The following CDH1 variants were observed in gnomAD, a reference collection of about 807,000 sequenced individuals.
The protein encoded by CDH1 is cadherin 1.
CDH1 carries 35 observed loss-of-function variants against 84.5 expected under a neutral mutation model. The ratio of observed to expected loss-of-function variants is 0.41; its 90% CI spans 0.32 to 0.55. The LOEUF (loss-of-function observed/expected upper bound fraction) is 0.55. Ranked by LOEUF, CDH1 falls within the 20% of genes least tolerant of loss-of-function variation. The pLI is 0.19. For synonymous variants in CDH1, 417 were observed against 439.0 expected (o/e 0.95, Z 0.63); for missense variants, 994 against 1,126.6 (o/e 0.88, Z 1.68).
chr16:68,781,069 G>A (rs573226529), intron 2 of CDH1, among the ~76,000 whole-genome samples: 4 of 152,312 alleles, frequency 2.6e-5, no homozygotes, highest in South Asian at 2.1e-4. Flanking sequence ...AAAAAGTGTC[G>A]GCTGACAAGC....
intron 2 of CDH1, among the ~76,000 whole-genome samples, chr16:68,780,654 T>C (rs1959850732): frequency 6.6e-6 from 1 of 152,200 alleles, no homozygotes; most frequent in Non-Finnish European, 1.5e-5. Context: ...TAAAGGGCCT[T>C]GGAGTCAACC....
chr16:68,829,002 C>G (rs1190023987), intron 14 of CDH1, among the ~76,000 whole-genome samples: 1 of 152,084 alleles, frequency 6.6e-6, no homozygotes, highest in Non-Finnish European at 1.5e-5. Context: ...GGGGATACCA[C>G]GTATATTGTA....
chr16:68,772,440 C>T (rs1184778999), intron 2 of CDH1, among the ~76,000 whole-genome samples: 2 of 152,174 alleles, frequency 1.3e-5, no homozygotes, highest in East Asian at 3.9e-4. Flanking sequence ...AATAAATGTT[C>T]ACTGGGCATC....
At chr16:68,759,890 TG>T (rs1206445351) in intron 2 of CDH1, among the ~76,000 whole-genome samples, 1 of 152,060 alleles carries the variant, frequency 6.6e-6, no homozygotes, top group Non-Finnish European at 1.5e-5. Flanking sequence ...TTATCCTTCC[TG>T]TGCTCAGCGG....
At chr16:68,739,608 ATTTTTT>A (rs549473582) in intron 2 of CDH1, among the ~76,000 whole-genome samples, 1 of 79,192 alleles carries the variant, frequency 1.3e-5, no homozygotes. Context: ...AGGAATAATG[ATTTTTT>A]TTTTTTTTTT....
At position 68,822,181 on chromosome 16, in the gene CDH1, C is replaced by T. The variant is rs2152138539; in HGVS notation, c.1892C>T (p.Thr631Ile). 1.2e-6 allele frequency: 2 copies of T among 1,614,152 alleles called. No individual in the cohort carries two copies. Among genetic ancestry groups the T allele is most frequent in the South Asian group, 1.1e-5 (1 of 91,080 alleles). Residue 631 changes from threonine (T) to isoleucine (I), a missense_variant, in exon 12 of 16, where the codon ACA (threonine) becomes ATA (isoleucine). Around this residue, in one of 3 missense-constraint regions of CDH1, gnomAD observed 769 missense variants for 881.8 expected, o/e 0.87. Transcript: ENST00000261769. ...PNTSPFTAELTHGASANWTIQ... is the reference protein window; with the variant it reads ...PNTSPFTAELIHGASANWTIQ... ...ACATCTCCCTTCACAGCAGAACTAA[C>T]ACACGGGGCGAGTGCCAACTGGACC...
intron 2 of CDH1, among the ~76,000 whole-genome samples, chr16:68,745,026 G>C (rs1006668534): frequency 6.6e-6 from 1 of 152,130 alleles, no homozygotes; most frequent in East Asian, 1.9e-4. Context: ...CACTGTGCAG[G>C]GTGCTCAGGG....
intron 2 of CDH1, among the ~76,000 whole-genome samples, chr16:68,768,397 G>A (rs1004237018): frequency 6.6e-6 from 1 of 152,224 alleles, no homozygotes; most frequent in Non-Finnish European, 1.5e-5. Flanking sequence ...GTTTCTATGA[G>A]TTAAGCATAA....
chr16:68,823,692 A>G, intron 13 of CDH1, 66 bp downstream of exon 13: 1 of 1,106,436 alleles, frequency 9.0e-7, no homozygotes, highest in Non-Finnish European at 1.3e-6. Context: ...ATTTCCTGGA[A>G]ATGATTTTTG....
intron 2 of CDH1, among the ~76,000 whole-genome samples, chr16:68,760,017 A>G (rs10468275): frequency 0.79 from 119,671 of 150,974 alleles, 48,161 homozygotes; most frequent in Non-Finnish European, 0.87. Flanking sequence ...TGCCCGGCTG[A>G]GTTTTTAAAA....
At chr16:68,759,634 C>T (rs181061013) in intron 2 of CDH1, among the ~76,000 whole-genome samples, 61 of 151,918 alleles carry the variant, frequency 4.0e-4, no homozygotes, top group African/African-American at 5.8e-4. Flanking sequence ...GGATTACAGG[C>T]GCGTACCACC....
chr16:68,813,585 G>A (rs570128373), intron 9 of CDH1, 90 bp downstream of exon 9: 40 of 1,320,974 alleles, frequency 3.0e-5, no homozygotes, highest in Admixed American at 1.0e-4. Context: ...AAGTAGATTC[G>A]CTTTGGCAGG....
intron 2 of CDH1, among the ~76,000 whole-genome samples, chr16:68,792,391 G>C (rs1230992620): frequency 6.6e-6 from 1 of 151,852 alleles, no homozygotes; most frequent in Non-Finnish European, 1.5e-5. Flanking sequence ...CACCACGCCT[G>C]GCTAATTTTT....
intron 2 of CDH1, among the ~76,000 whole-genome samples, chr16:68,760,266 A>ATTTTT (rs11396600): frequency 2.0e-5 from 2 of 97,980 alleles, no homozygotes; most frequent in African/African-American, 4.0e-5. Context: ...CGCCCAGCTA[A>ATTTTT]TTTTTTTTTT....
chr16:68,822,354 G>C, intron 12 of CDH1, 129 bp downstream of exon 12: 1 of 730,368 alleles, frequency 1.4e-6, no homozygotes, highest in Non-Finnish European at 2.5e-6. Context: ...TTGCTTCCTT[G>C]TCCCTTCTGT....
At chr16:68,792,997 A>C (rs1327738762) in intron 2 of CDH1, among the ~76,000 whole-genome samples, 3 of 152,154 alleles carry the variant, frequency 2.0e-5, no homozygotes, top group Non-Finnish European at 4.4e-5. Context: ...CGTTAGAAGG[A>C]ACTTGATAAG....
At chr16:68,788,588 T>C (rs992016581) in intron 2 of CDH1, among the ~76,000 whole-genome samples, 1 of 152,220 alleles carries the variant, frequency 6.6e-6, no homozygotes, top group African/African-American at 2.4e-5. Context: ...TTTGTGATGT[T>C]TGATCCTTTT....
At chr16:68,766,998 A>T (rs1055624342) in intron 2 of CDH1, among the ~76,000 whole-genome samples, 8 of 152,006 alleles carry the variant, frequency 5.3e-5, no homozygotes, top group Non-Finnish European at 1.2e-4. Context: ...AATTGCTGGG[A>T]TTACAGGTGT....
At chr16:68,746,061 C>G (rs1962733650) in intron 2 of CDH1, among the ~76,000 whole-genome samples, 1 of 152,192 alleles carries the variant, frequency 6.6e-6, no homozygotes, top group African/African-American at 2.4e-5. Context: ...AGGTGATCTG[C>G]CTGCCTCAAC....
Sources: allele counts gnomAD v4.1 joint callset (sites outside exome capture counted in the v4.1 genomes callset), GRCh38; gene constraint gnomAD v4.1.1; regional missense constraint gnomAD v4.1.1; transcripts MANE v1.5; gene names NCBI Gene and HGNC (gene_info 2026-07-23, HGNC 2026-07-21).